RAD51B: variants seen among roughly 807,000 people sequenced by gnomAD.
The protein encoded by RAD51B is DNA repair protein RAD51 homolog 2.
RAD51B carries 38 observed loss-of-function variants against 42.2 expected under a neutral mutation model. That is an observed-to-expected ratio of 0.90 (90% confidence interval 0.70 to 1.18). The LOEUF (loss-of-function observed/expected upper bound fraction) is 1.18. Among genes scored for constraint, RAD51B ranks in the 50% most tolerant of loss-of-function variants. The probability of loss-of-function intolerance (pLI) is 0.00; values close to 1 mark genes in which losing one functional copy is unlikely to be tolerated. For missense variants in RAD51B, 373 were observed against 400.7 expected (o/e 0.93, Z 0.59); for synonymous variants, 154 against 145.2 (o/e 1.06, Z -0.43).
In RAD51B at chr14:68,169,349, A is replaced by G. The variant is rs566988926; in HGVS notation, c.757-122535A>G. 3.3e-5 allele frequency among the ~76,000 whole-genome samples: 5 copies of G among 152,154 alleles called. No homozygotes were observed. In the South Asian group the frequency reaches 6.2e-4, roughly 19 times the overall value. On this transcript the variant is annotated intron_variant, in intron 7 of 10. Transcript: ENST00000471583. ...TTGTTGTCGTTTAGTGCCCATTTCA[A>G]ATTTTCTGCTCCTAAAGCCTTTTAT...
chr14:68,100,858 C>G (rs2140549889), intron 7 of RAD51B, among the ~76,000 whole-genome samples: 1 of 152,284 alleles, frequency 6.6e-6, no homozygotes, highest in South Asian at 2.1e-4. Context: ...GAACTCCACC[C>G]AGATCCTGAC....
intron 7 of RAD51B, among the ~76,000 whole-genome samples, chr14:68,156,338 T>C (rs1310295943): frequency 6.6e-6 from 1 of 152,246 alleles, no homozygotes; most frequent in African/African-American, 2.4e-5. Context: ...TATTTTGCTA[T>C]AACATTGTTA....
intron 8 of RAD51B, among the ~76,000 whole-genome samples, chr14:68,337,601 G>C (rs769105544): frequency 6.6e-6 from 1 of 152,110 alleles, no homozygotes; most frequent in Non-Finnish European, 1.5e-5. Flanking sequence ...TAATTCTCAG[G>C]TGGAGGTTTT....
chr14:68,175,026 T>A (rs2078937787), intron 7 of RAD51B, among the ~76,000 whole-genome samples: 1 of 152,204 alleles, frequency 6.6e-6, no homozygotes, highest in Admixed American at 6.6e-5. Context: ...CCAGCCATAC[T>A]TTGAATCCTG....
chr14:67,894,321 C>T (rs965395635), intron 7 of RAD51B, among the ~76,000 whole-genome samples: 1 of 152,190 alleles, frequency 6.6e-6, no homozygotes, highest in African/African-American at 2.4e-5. Flanking sequence ...GTCTTATTCA[C>T]TATTGTATCC....
At chr14:68,002,808 T>C (rs548177678) in intron 7 of RAD51B, among the ~76,000 whole-genome samples, 1 of 152,254 alleles carries the variant, frequency 6.6e-6, no homozygotes, top group East Asian at 1.9e-4. Context: ...TGCTTGTTTT[T>C]GTCAGATTTC....
At chr14:67,874,674 T>G (rs1032420476) in intron 5 of RAD51B, among the ~76,000 whole-genome samples, 25 of 152,110 alleles carry the variant, frequency 1.6e-4, no homozygotes, top group African/African-American at 6.0e-4. Flanking sequence ...TTTTGTTGTT[T>G]TTTTTTAACC....
intron 7 of RAD51B, among the ~76,000 whole-genome samples, chr14:68,272,778 G>A (rs867593644): frequency 4.4e-5 from 6 of 136,754 alleles, no homozygotes; most frequent in East Asian, 2.3e-4. Context: ...CTCTGCCCCC[G>A]GGTTCACACC....
intron 7 of RAD51B, among the ~76,000 whole-genome samples, chr14:68,165,347 A>G (rs1267646080): frequency 6.6e-6 from 1 of 152,184 alleles, no homozygotes; most frequent in Non-Finnish European, 1.5e-5. Flanking sequence ...AGTTCATCTC[A>G]GAAGAAAAAT....
At chr14:68,085,318 A>G (rs1198452200) in intron 7 of RAD51B, among the ~76,000 whole-genome samples, 1 of 152,140 alleles carries the variant, frequency 6.6e-6, no homozygotes, top group African/African-American at 2.4e-5. Context: ...TTCAGGGTAT[A>G]TAGCTAGTTT....
intron 9 of RAD51B, among the ~76,000 whole-genome samples, chr14:68,458,758 T>C (rs958952443): frequency 5.9e-5 from 9 of 151,852 alleles, no homozygotes; most frequent in Non-Finnish European, 1.2e-4. Context: ...TGTCCCCTAA[T>C]TTCTGTAGAA....
chr14:68,665,201 C>T (rs924446203), intron 11 of RAD51B, among the ~76,000 whole-genome samples: 17 of 152,260 alleles, frequency 1.1e-4, no homozygotes, highest in Non-Finnish European at 2.4e-4. Context: ...CAAGCTCAGG[C>T]TTTCTGCCTG....
intron 10 of RAD51B, among the ~76,000 whole-genome samples, chr14:68,534,511 A>G (rs1199905930): frequency 6.6e-6 from 1 of 152,214 alleles, no homozygotes; most frequent in East Asian, 1.9e-4. Context: ...TTCCCTATCT[A>G]CAGGCTCTGG....
At chr14:68,183,160 C>CA in intron 7 of RAD51B, among the ~76,000 whole-genome samples, 1 of 152,256 alleles carries the variant, frequency 6.6e-6, no homozygotes, top group South Asian at 2.1e-4. Flanking sequence ...TGAGGTCCCA[C>CA]AATAGGCTCT....
chr14:68,056,673 G>A (rs945701788), intron 7 of RAD51B, among the ~76,000 whole-genome samples: 5 of 151,542 alleles, frequency 3.3e-5, no homozygotes, highest in Admixed American at 1.3e-4. Flanking sequence ...TCTTGAATCC[G>A]GGAGGCAGAG....
intron 7 of RAD51B, among the ~76,000 whole-genome samples, chr14:68,010,643 G>A (rs2075669027): frequency 6.6e-6 from 1 of 151,592 alleles, no homozygotes; most frequent in Non-Finnish European, 1.5e-5. Context: ...AATGAGATTG[G>A]GTCTTATTCC....
chr14:68,178,930 A>G (rs185013239), intron 7 of RAD51B, among the ~76,000 whole-genome samples: 2 of 152,326 alleles, frequency 1.3e-5, no homozygotes, highest in East Asian at 3.9e-4. Context: ...GTTATCTTGA[A>G]GAGTCTGAAA....
chr14:68,604,701 T>C (rs1356440164), intron 10 of RAD51B, among the ~76,000 whole-genome samples: 1 of 152,166 alleles, frequency 6.6e-6, no homozygotes, highest in Non-Finnish European at 1.5e-5. Flanking sequence ...GGAGAAATCT[T>C]AGTGCCCATG....
At chr14:68,547,343 C>T (rs1431030074) in intron 10 of RAD51B, among the ~76,000 whole-genome samples, 3 of 152,248 alleles carry the variant, frequency 2.0e-5, no homozygotes, top group Non-Finnish European at 2.9e-5. Context: ...GCCTTCCTTC[C>T]GGCCATCCAC....
Sources: gnomAD v4.1 joint callset for allele counts (sites outside exome capture counted in the v4.1 genomes callset) on GRCh38, gnomAD v4.1.1 for gene constraint, MANE v1.5 for transcripts, NCBI Gene and HGNC (gene_info 2026-07-23, HGNC 2026-07-21) for gene names.